RIMS2: variants seen among roughly 807,000 people sequenced by gnomAD.
RIMS2 encodes the protein regulating synaptic membrane exocytosis 2.
RIMS2 carries 59 observed loss-of-function variants against 174.4 expected under a neutral mutation model. The observed-to-expected ratio is 0.34, with a 90% CI of 0.27 to 0.42. The LOEUF is 0.42. Ranked by LOEUF, RIMS2 falls within the 10% of genes least tolerant of loss-of-function variation. The pLI is 1.00. For synonymous variants in RIMS2, 606 were observed against 572.5 expected (o/e 1.06, Z -0.84); for missense variants, 1,620 against 1,666.3 (o/e 0.97, Z 0.48).
chr8:103,626,015 C>T (rs58211318), intron 1 of RIMS2, among the ~76,000 whole-genome samples: 6,501 of 151,966 alleles, frequency 0.043, 257 homozygotes, highest in East Asian at 0.16. Flanking sequence ...TTTATGACTT[C>T]AAGACCTAAC....
chr8:103,713,740 A>G (rs966442982), intron 2 of RIMS2, among the ~76,000 whole-genome samples: 1 of 152,208 alleles, frequency 6.6e-6, no homozygotes, highest in African/African-American at 2.4e-5. Context: ...CTGTTTAAAA[A>G]TGATTCAGTG....
intron 19 of RIMS2, among the ~76,000 whole-genome samples, chr8:104,140,549 A>C (rs1391696056): frequency 6.6e-6 from 1 of 152,188 alleles, no homozygotes; most frequent in African/African-American, 2.4e-5. Flanking sequence ...AAATTAGAAA[A>C]AGTGGTACCT....
chr8:104,175,889 T>G (rs1028045820), intron 19 of RIMS2, among the ~76,000 whole-genome samples: 6 of 152,168 alleles, frequency 3.9e-5, no homozygotes, highest in African/African-American at 1.4e-4. Flanking sequence ...CTTCTTGCAT[T>G]TTTTCTTTTC....
At chr8:103,718,516 G>A (rs2097402163) in intron 2 of RIMS2, among the ~76,000 whole-genome samples, 1 of 152,152 alleles carries the variant, frequency 6.6e-6, no homozygotes, top group Admixed American at 6.5e-5. Context: ...CCTGGATTTG[G>A]AATTAGATTT....
At chr8:103,725,475 GA>G (rs1238202414) in intron 2 of RIMS2, among the ~76,000 whole-genome samples, 1 of 152,128 alleles carries the variant, frequency 6.6e-6, no homozygotes, top group Non-Finnish European at 1.5e-5. Context: ...TCATATAAAT[GA>G]AATCATATAA....
chr8:103,832,204 T>TA (rs2098830040), intron 3 of RIMS2, among the ~76,000 whole-genome samples: 1 of 152,232 alleles, frequency 6.6e-6, no homozygotes, highest in Non-Finnish European at 1.5e-5. Context: ...AATTGGCTCT[T>TA]ACTTTTTTCA....
At chr8:103,918,552 G>A (rs1272510511) in intron 9 of RIMS2, 65 bp downstream of exon 12, 2 of 1,042,138 alleles carry the variant, frequency 1.9e-6, no homozygotes, top group Non-Finnish European at 3.0e-6. Flanking sequence ...ATCAGATGAA[G>A]TATTTAACTA....
chr8:104,139,604 C>A (rs1193352748), intron 19 of RIMS2, among the ~76,000 whole-genome samples: 1 of 152,066 alleles, frequency 6.6e-6, no homozygotes, highest in Non-Finnish European at 1.5e-5. Context: ...TTTTGTATGT[C>A]AATTTTATGT....
At chr8:103,948,972 A>AT (rs915600138) in intron 14 of RIMS2, among the ~76,000 whole-genome samples, 13 of 151,292 alleles carry the variant, frequency 8.6e-5, no homozygotes, top group Non-Finnish European at 1.8e-4. Flanking sequence ...CAAAAAAAAA[A>AT]AATAATTAGC....
At chr8:103,781,024 A>T (rs1180258210) in intron 3 of RIMS2, among the ~76,000 whole-genome samples, 1 of 152,112 alleles carries the variant, frequency 6.6e-6, no homozygotes, top group Non-Finnish European at 1.5e-5. Flanking sequence ...GAATGGGAAA[A>T]GTCCAAAGGG....
chr8:104,244,557 C>T (rs1440213461), intron 19 of RIMS2, among the ~76,000 whole-genome samples: 1 of 152,024 alleles, frequency 6.6e-6, no homozygotes, highest in African/African-American at 2.4e-5. Context: ...TTAAATATTA[C>T]AATGAAAACA....
chr8:103,526,425 TC>T (rs1834004890), intron 1 of RIMS2, among the ~76,000 whole-genome samples: 1 of 152,038 alleles, frequency 6.6e-6, no homozygotes, highest in Non-Finnish European at 1.5e-5. Flanking sequence ...ACAAAAATAA[TC>T]AGGCATACAA....
intron 1 of RIMS2, among the ~76,000 whole-genome samples, chr8:103,584,087 C>T (rs2093768421): frequency 6.6e-6 from 1 of 152,074 alleles, no homozygotes; most frequent in Non-Finnish European, 1.5e-5. Flanking sequence ...ATCCGAAAAG[C>T]AGCAAGAGAA....
At chr8:104,040,740 T>C (rs1204885237) in intron 19 of RIMS2, among the ~76,000 whole-genome samples, 2 of 151,746 alleles carry the variant, frequency 1.3e-5, no homozygotes, top group Admixed American at 6.6e-5. Context: ...TATTACTTCA[T>C]AAAATTTTAA....
chr8:104,032,041 TG>T (rs964902800), intron 19 of RIMS2, among the ~76,000 whole-genome samples: 1 of 152,090 alleles, frequency 6.6e-6, no homozygotes, highest in African/African-American at 2.4e-5. Flanking sequence ...TAAATACAGA[TG>T]GTCATCCACT....
intron 19 of RIMS2, among the ~76,000 whole-genome samples, chr8:104,049,681 C>G (rs1357131471): frequency 2.0e-5 from 3 of 151,650 alleles, no homozygotes; most frequent in African/African-American, 7.3e-5. Context: ...TACTTTCAAC[C>G]AACAGAAAAA....
intron 13 of RIMS2, among the ~76,000 whole-genome samples, chr8:103,939,572 C>T (rs529362193): frequency 6.6e-6 from 1 of 152,212 alleles, no homozygotes; most frequent in Admixed American, 6.5e-5. Flanking sequence ...TGCGGATAGG[C>T]GATTAACATT....
chr8:103,890,496 G>A (rs1181210680), intron 4 of RIMS2, among the ~76,000 whole-genome samples: 1 of 151,972 alleles, frequency 6.6e-6, no homozygotes, highest in African/African-American at 2.4e-5. Context: ...TACTAAACAG[G>A]TACCGTAGGA....
chr8:103,708,508 A>G (rs1323773607), intron 2 of RIMS2, among the ~76,000 whole-genome samples: 1 of 152,162 alleles, frequency 6.6e-6, no homozygotes, highest in Admixed American at 6.5e-5. Context: ...ATTTTCATGA[A>G]GGTGCCTTTT....
Sources: allele counts gnomAD v4.1 joint callset (sites outside exome capture counted in the v4.1 genomes callset), GRCh38; gene constraint gnomAD v4.1.1; transcripts MANE v1.5; gene names NCBI Gene and HGNC (gene_info 2026-07-23, HGNC 2026-07-21).